The following TUT7 variants were observed in gnomAD, a reference collection of about 807,000 sequenced individuals.
TUT7 encodes terminal uridylyl transferase 7.
In TUT7, 33 loss-of-function variants were observed where a neutral mutation model predicts 165.9. The ratio of observed to expected loss-of-function variants is 0.20; its 90% CI spans 0.15 to 0.27. The LOEUF (loss-of-function observed/expected upper bound fraction) is 0.27, where lower values mean the gene tolerates loss of function less well. Among genes scored for constraint, TUT7 ranks in the 10% least tolerant of loss-of-function variants. The pLI is 1.00. For missense variants in TUT7, 1,338 were observed against 1,762.3 expected, an observed-to-expected ratio of 0.76 and a Z score of 4.31; for synonymous variants, 552 against 608.1, an observed-to-expected ratio of 0.91 and a Z score of 1.36.
intron 17 of TUT7, among the ~76,000 whole-genome samples, chr9:86,316,900 C>T (rs976955916): frequency 2.8e-5 from 4 of 144,758 alleles, no homozygotes; most frequent in Admixed American, 6.7e-5. Flanking sequence ...AAAAAACTAA[C>T]GATACAACAA....
intron 9 of TUT7, 79 bp downstream of exon 9, chr9:86,338,744 A>G (rs1831064854): frequency 1.5e-6 from 2 of 1,375,456 alleles, no homozygotes; most frequent in African/African-American, 3.0e-5. Flanking sequence ...TAAACACTGA[A>G]GATTAAATTA....
At position 86,341,448 on chromosome 9, in the gene TUT7, G is replaced by A. The variant is rs187602472; in HGVS notation, c.1087-395C>T. Among the ~76,000 whole-genome samples, 571 of 152,096 alleles carry A rather than the reference G, an allele frequency of 3.8e-3. 8 individuals carry two copies. The highest frequency in any genetic ancestry group is 0.013 in the African/African-American group (548 of 41,474). On this transcript the variant is annotated intron_variant, in intron 6 of 26. Transcript: ENST00000375963. The stretch of plus-strand genomic sequence containing the variant: ...CACTTCTTTTTAAAATCCTTGTTTC[G>A]CAATGGAGCCAGGGCCATTTAAAAT...
At position 86,344,966 on chromosome 9, in the gene TUT7, C is replaced by G; in HGVS notation, c.997+11G>C. 6.3e-7 allele frequency: 1 copy of G among 1,594,468 alleles called. No homozygotes were observed. Among genetic ancestry groups the G allele is most frequent in the Non-Finnish European group, 8.5e-7 (1 of 1,171,188 alleles). ...TAGGTAGTTAAATAGAAAAACAAAT[C>G]TAGAAAATACCTGGTAACTTGTGTT... On this transcript the variant is annotated intron_variant, in intron 5 of 26. Coordinates refer to ENST00000375963, the MANE Select transcript of TUT7 (RefSeq NM_024617.4).
At chr9:86,338,713 T>C (rs1831060439) in intron 9 of TUT7, 110 bp downstream of exon 9, 1 of 1,227,224 alleles carries the variant, frequency 8.1e-7, no homozygotes, top group East Asian at 2.8e-5. Context: ...CTTTCTCTTT[T>C]GATGTCTATA....
chr9:86,292,615 A>T (rs967781235), intron 26 of TUT7, among the ~76,000 whole-genome samples: 6 of 151,576 alleles, frequency 4.0e-5, no homozygotes, highest in African/African-American at 1.5e-4. Context: ...ATTAAAAAAA[A>T]AAAAAAAAGA....
At chr9:86,293,785 C>A (rs1826068191) in intron 26 of TUT7, among the ~76,000 whole-genome samples, 1 of 152,208 alleles carries the variant, frequency 6.6e-6, no homozygotes, top group Non-Finnish European at 1.5e-5. Flanking sequence ...GTTCCTGAGC[C>A]TACCTGACAG....
At chr9:86,307,340 G>A (rs778128517) in intron 22 of TUT7, among the ~76,000 whole-genome samples, 1 of 152,022 alleles carries the variant, frequency 6.6e-6, no homozygotes, top group East Asian at 1.9e-4. Flanking sequence ...ACGAAAAGGC[G>A]TAGTAAGTCA....
chr9:86,353,389 C>T (rs748316872), intron 1 of TUT7, among the ~76,000 whole-genome samples, 159 bp from the exon 2 acceptor site: 1 of 152,158 alleles, frequency 6.6e-6, no homozygotes, highest in Non-Finnish European at 1.5e-5. Flanking sequence ...ATAATCAGTG[C>T]TTTACCCTAG....
intron 22 of TUT7, among the ~76,000 whole-genome samples, chr9:86,306,308 T>C (rs1285158284): frequency 6.6e-6 from 1 of 152,190 alleles, no homozygotes; most frequent in African/African-American, 2.4e-5. Flanking sequence ...AACTGAGGTG[T>C]ACCATATTGA....
rs1466292044 is a variant in TUT7 at position 86,310,012 on chromosome 9, A to C, written c.3384T>G (p.Leu1128=). 2.5e-6 allele frequency: 4 copies of C among 1,613,104 alleles called. No homozygotes were observed. The Admixed American group carries it at 5.0e-5, about 20-fold the overall frequency. Residue 1128 remains leucine, a synonymous_variant, in exon 19 of 27, where the codon CTT becomes CTG. Coordinates refer to ENST00000375963, the MANE Select transcript of TUT7 (RefSeq NM_024617.4). The stretch of plus-strand genomic sequence containing the variant: ...AAGCAGATAAAAGCCTTGTGTTATG[A>C]AGGGCCTGTTAAAAGGAAAATAACA... The part of the protein sequence containing the change: ...VDISLYNTLA[L]HNTRLLSAYS...
At chr9:86,322,289 T>A in intron 14 of TUT7, 36 bp downstream of exon 14, 1 of 1,588,932 alleles carries the variant, frequency 6.3e-7, no homozygotes, top group Non-Finnish European at 8.6e-7. Flanking sequence ...GTCAATTTAA[T>A]ATTTTGACAA....
intron 11 of TUT7, 129 bp from the exon 12 acceptor site, chr9:86,325,643 A>C (rs562113882): frequency 1.3e-6 from 1 of 757,910 alleles, no homozygotes; most frequent in African/African-American, 1.8e-5. Context: ...CTGACAATCC[A>C]TCTAGATAAA....
chr9:86,291,368 C>G (rs112029452), intron 26 of TUT7, among the ~76,000 whole-genome samples: 1 of 151,944 alleles, frequency 6.6e-6, no homozygotes, highest in Non-Finnish European at 1.5e-5. Flanking sequence ...GTCAGGAGTT[C>G]AAGGCCAGCC....
chr9:86,353,189 G>C lies in TUT7; in HGVS notation c.11C>G (p.Thr4Arg). The change falls in exon 2 of 27, where the codon ACA becomes AGA. Residue 4 changes from threonine (T) to arginine (R), a missense_variant. Physicochemically the swap from Thr to Arg is moderately conservative, Grantham distance 71. Transcript: ENST00000375963. MGD[T>R]AKPYFVKRTK... The stretch of plus-strand genomic sequence containing the variant: ...GCGCTTCACGAAATAAGGTTTTGCT[G>C]TATCTCCCATGGTCTTTGACTTCAA... 6.3e-7 allele frequency: 1 copy of C among 1,577,598 alleles called. No homozygotes were observed. The highest frequency in any genetic ancestry group is 8.6e-7 in the Non-Finnish European group (1 of 1,166,872).
rs375548655 is a variant in TUT7, at chr9:86,311,964, C to T, written c.3275-1155G>A. The stretch of plus-strand genomic sequence containing the variant: ...TGGAGTGCAGTGGCGTGATCTCGGC[C>T]CGCTACAACCTCCACCTCCCAGCCG... On this transcript the variant is annotated intron_variant, in intron 17 of 26. Coordinates refer to ENST00000375963, the MANE Select transcript of TUT7 (RefSeq NM_024617.4). The surrounding 1 kb of genome is among the most constrained non-coding windows in gnomAD (Gnocchi z 4.4). Among the ~76,000 whole-genome samples, 1 of 152,132 alleles carries T rather than the reference C, an allele frequency of 6.6e-6. No individual in the cohort carries two copies. Among genetic ancestry groups the T allele is most frequent in the East Asian group, 1.9e-4 (1 of 5,178 alleles).
chr9:86,344,575 A>G (rs1831592263), intron 5 of TUT7, among the ~76,000 whole-genome samples: 1 of 148,074 alleles, frequency 6.8e-6, no homozygotes, highest in Non-Finnish European at 1.5e-5. Flanking sequence ...TCTTAAGTAC[A>G]GTTAAATAAA....
At chr9:86,296,930 G>T (rs1488223351) in intron 26 of TUT7, among the ~76,000 whole-genome samples, 1 of 152,218 alleles carries the variant, frequency 6.6e-6, no homozygotes, top group Non-Finnish European at 1.5e-5. Flanking sequence ...TTATTTGGAA[G>T]AGTCTGATTT....
intron 26 of TUT7, among the ~76,000 whole-genome samples, chr9:86,299,281 G>T (rs562951215): frequency 1.4e-4 from 22 of 152,262 alleles, no homozygotes; most frequent in African/African-American, 5.3e-4. Context: ...TCCTAAAAAA[G>T]AAATTAGCAC....
rs977266951 is a variant in TUT7, at chr9:86,343,276, G to T, written c.998-113C>A. ...CCATCAATTAAAATTACACACAAAA[G>T]CAAACTTGTATTCAAGACTAGCATA... On this transcript the variant is annotated intron_variant, in intron 5 of 26. Transcript: ENST00000375963. The T allele has an allele frequency of 5.5e-5, 33 of 603,562 alleles. No homozygotes were observed. The African/African-American group carries it at 6.4e-4, about 12-fold the overall frequency. 37.4% of individuals were successfully genotyped at this position (603,562 alleles called of 1,614,324 possible).
Sources: allele counts gnomAD v4.1 joint callset (sites outside exome capture counted in the v4.1 genomes callset), GRCh38; gene constraint gnomAD v4.1.1; non-coding constraint Gnocchi (gnomAD v3.1); transcripts MANE v1.5; gene names NCBI Gene and HGNC (gene_info 2026-07-23, HGNC 2026-07-21).